The following PPP3CA variants were observed in gnomAD, a reference collection of about 807,000 sequenced individuals.
The protein encoded by PPP3CA is CAM-PRP catalytic subunit.
Under a neutral mutation model 66.5 loss-of-function variants are expected in PPP3CA, and 14 were observed. The ratio of observed to expected loss-of-function variants is 0.21; its 90% CI spans 0.14 to 0.33. The LOEUF is 0.33. PPP3CA is among the 10% of genes least tolerant of loss of function. The pLI is 1.00. For missense variants in PPP3CA, 317 were observed against 639.5 expected (o/e 0.50, Z 5.44); for synonymous variants, 232 against 226.2 (o/e 1.03, Z -0.23).
At chr4:101,346,707 G>C (rs1439131595) in intron 1 of PPP3CA, 32 bp downstream of exon 1, 2 of 1,592,950 alleles carry the variant, frequency 1.3e-6, no homozygotes, top group Non-Finnish European at 1.7e-6. Flanking sequence ...GCGGCACACG[G>C]TGCACCCAGG....
intron 1 of PPP3CA, among the ~76,000 whole-genome samples, chr4:101,288,546 G>C (rs926057461): frequency 6.6e-6 from 1 of 151,342 alleles, no homozygotes; most frequent in Non-Finnish European, 1.5e-5. Context: ...AGAAGGGAGC[G>C]GGAGGGGGAG....
chr4:101,300,459 A>G (rs574975672), intron 1 of PPP3CA, among the ~76,000 whole-genome samples: 1 of 152,336 alleles, frequency 6.6e-6, no homozygotes, highest in South Asian at 2.1e-4. Flanking sequence ...TACCATAGTG[A>G]TAAAACCATT....
intron 1 of PPP3CA, chr4:101,330,413 A>C (rs779701400): frequency 3.2e-5 from 17 of 533,424 alleles, no homozygotes; most frequent in Non-Finnish European, 6.2e-5. Context: ...AGGATTTCCA[A>C]TACTACATAC....
intron 1 of PPP3CA, among the ~76,000 whole-genome samples, chr4:101,245,107 C>T (rs1726436688): frequency 6.6e-6 from 1 of 151,946 alleles, no homozygotes; most frequent in South Asian, 2.1e-4. Flanking sequence ...TTAATGGCTT[C>T]CCATCAGGCT....
At chr4:101,298,993 G>A (rs973462016) in intron 1 of PPP3CA, among the ~76,000 whole-genome samples, 1 of 150,060 alleles carries the variant, frequency 6.7e-6, no homozygotes, top group African/African-American at 2.5e-5. Flanking sequence ...AACCTAGATG[G>A]TATATATGTA....
intron 10 of PPP3CA, among the ~76,000 whole-genome samples, chr4:101,057,550 C>A (rs1330963147): frequency 6.6e-6 from 1 of 152,140 alleles, no homozygotes; most frequent in East Asian, 1.9e-4. Context: ...TGAACATGAT[C>A]TTAAACTTGC....
At chr4:101,246,147 G>A (rs1054744086) in intron 1 of PPP3CA, among the ~76,000 whole-genome samples, 2 of 152,112 alleles carry the variant, frequency 1.3e-5, no homozygotes, top group African/African-American at 4.8e-5. Flanking sequence ...CTTAAATAAA[G>A]TATCTACATG....
chr4:101,245,725 C>T (rs1319181771), intron 1 of PPP3CA, among the ~76,000 whole-genome samples: 2 of 151,914 alleles, frequency 1.3e-5, no homozygotes, highest in Admixed American at 1.3e-4. Flanking sequence ...GTCCTTCACC[C>T]CACCACCAAA....
chr4:101,048,778 T>C (rs1727884130), intron 10 of PPP3CA, among the ~76,000 whole-genome samples: 2 of 152,118 alleles, frequency 1.3e-5, no homozygotes, highest in Non-Finnish European at 2.9e-5. Flanking sequence ...TTCTTCCATA[T>C]GTTTTTTTAA....
intron 1 of PPP3CA, among the ~76,000 whole-genome samples, chr4:101,224,199 G>A (rs1434904921): frequency 6.6e-6 from 1 of 151,710 alleles, no homozygotes; most frequent in Non-Finnish European, 1.5e-5. Flanking sequence ...GGCATAAATC[G>A]TTACTGTCCT....
chr4:101,304,625 C>T (rs1728479779), intron 1 of PPP3CA, among the ~76,000 whole-genome samples: 1 of 152,064 alleles, frequency 6.6e-6, no homozygotes, highest in East Asian at 1.9e-4. Flanking sequence ...TAAATTTCGT[C>T]ATGTTAAGAT....
chr4:101,106,270 A>T (rs1266497195), intron 3 of PPP3CA, among the ~76,000 whole-genome samples: 1 of 151,364 alleles, frequency 6.6e-6, no homozygotes, highest in African/African-American at 2.4e-5. Flanking sequence ...GCAGTGAGCT[A>T]TGACTGTGCC....
chr4:101,220,885 C>G (rs1185266344), intron 1 of PPP3CA, among the ~76,000 whole-genome samples: 1 of 151,696 alleles, frequency 6.6e-6, no homozygotes, highest in African/African-American at 2.4e-5. Context: ...TTAAATTCCT[C>G]TTGTAGTTTT....
Position 101,318,808 on chromosome 4 carries a change from C to T in PPP3CA, c.58+27931G>A, listed in dbSNP as rs770894569. ...CTGTTTTCAATATGAACATTAAACT[C>T]GCTATCAAGAGAATTCTAATAGCTC... is the stretch of plus-strand genomic sequence containing the variant. On this transcript the variant is annotated intron_variant, in intron 1 of 13. Transcript: ENST00000394854. Among the ~76,000 whole-genome samples the T allele has an allele frequency of 7.2e-4, 109 of 152,094 alleles. 2 individuals are homozygous for T. Among genetic ancestry groups the T allele is most frequent in the Non-Finnish European group, 1.6e-4 (11 of 67,986 alleles).
chr4:101,256,555 T>A (rs1360942135), intron 1 of PPP3CA, among the ~76,000 whole-genome samples: 1 of 152,036 alleles, frequency 6.6e-6, no homozygotes, highest in Non-Finnish European at 1.5e-5. Context: ...CTGTTAGTAC[T>A]CACTGATACC....
At chr4:101,108,545 C>T (rs1721525189) in intron 3 of PPP3CA, among the ~76,000 whole-genome samples, 2 of 152,132 alleles carry the variant, frequency 1.3e-5, no homozygotes, top group African/African-American at 2.4e-5. Flanking sequence ...GTGGGCGGAT[C>T]ATCTGAGGTC....
At chr4:101,339,077 C>T (rs1174306591) in intron 1 of PPP3CA, among the ~76,000 whole-genome samples, 2 of 152,118 alleles carry the variant, frequency 1.3e-5, no homozygotes, top group Non-Finnish European at 2.9e-5. Context: ...TTTTCATAGC[C>T]CATGTATCTT....
chr4:101,247,843 T>C (rs1726538437), intron 1 of PPP3CA, among the ~76,000 whole-genome samples: 1 of 152,144 alleles, frequency 6.6e-6, no homozygotes, highest in South Asian at 2.1e-4. Context: ...TGCTACTATA[T>C]ATATGCCACT....
intron 1 of PPP3CA, among the ~76,000 whole-genome samples, chr4:101,324,761 T>C (rs1234004457): frequency 6.6e-6 from 1 of 151,432 alleles, no homozygotes; most frequent in Non-Finnish European, 1.5e-5. Flanking sequence ...GTAAGAACAA[T>C]GAAGAAGTTC....
Sources: allele counts gnomAD v4.1 joint callset (sites outside exome capture counted in the v4.1 genomes callset), GRCh38; gene constraint gnomAD v4.1.1; transcripts MANE v1.5; gene names NCBI Gene and HGNC (gene_info 2026-07-23, HGNC 2026-07-21).